The following HLCS variants were observed in gnomAD, a reference collection of about 807,000 sequenced individuals.
HLCS encodes biotin--protein ligase.
HLCS carries 53 observed loss-of-function variants against 75.0 expected under a neutral mutation model. That is an observed-to-expected ratio of 0.71 (90% confidence interval 0.57 to 0.89). The LOEUF (loss-of-function observed/expected upper bound fraction) is 0.89. Among genes scored for constraint, HLCS ranks in the 40% least tolerant of loss-of-function variants. HLCS has a pLI of 0.00. For missense variants in HLCS, 966 were observed against 1,074.0 expected (o/e 0.90, Z 1.41); for synonymous variants, 431 against 428.6 (o/e 1.01, Z -0.07).
At chr21:36,836,832 C>G (rs1187352125) in intron 6 of HLCS, among the ~76,000 whole-genome samples, 1 of 152,084 alleles carries the variant, frequency 6.6e-6, no homozygotes, top group Non-Finnish European at 1.5e-5. Context: ...ATCTAAGCTT[C>G]TTTCTCATGT....
Position 36,930,402 on chromosome 21 carries a change from A to G in HLCS, c.1469T>C (p.Ile490Thr), listed in dbSNP as rs766288041. The change falls in exon 5 of 11, where the codon ATA becomes ACA. Residue 490 changes from isoleucine (I) to threonine (T), a missense_variant. By Grantham distance (89) the Ile-to-Thr change is moderately conservative (BLOSUM62 -1). Transcript: ENST00000674895. ...VHLELPPSSN[I>T]VQTPEDFNLL... ...GTTAAAATCTTCTGGAGTTTGCACT[A>G]TGTTGGAGCTGGGAGGTAGTTCTAA... 1 of 1,614,156 alleles carries G rather than the reference A, an allele frequency of 6.2e-7. No homozygotes were observed. The highest frequency in any genetic ancestry group is 8.5e-7 in the Non-Finnish European group (1 of 1,179,998).
At chr21:36,838,781 G>C (rs2062513083) in intron 6 of HLCS, among the ~76,000 whole-genome samples, 2 of 152,080 alleles carry the variant, frequency 1.3e-5, no homozygotes, top group African/African-American at 2.4e-5. Flanking sequence ...CATGAAGACG[G>C]GGGTAGAGAT....
chr21:36,930,491 CA>C, intron 4 of HLCS, 58 bp from the exon 5 acceptor site: 1 of 1,358,802 alleles, frequency 7.4e-7, no homozygotes, highest in Non-Finnish European at 1.0e-6. Flanking sequence ...ATGAGAAAAA[CA>C]GTTTCTTTTT....
chr21:36,853,724 G>A (rs1010547530), intron 6 of HLCS, among the ~76,000 whole-genome samples: 3 of 152,120 alleles, frequency 2.0e-5, no homozygotes, highest in Non-Finnish European at 4.4e-5. Context: ...AATCAGGTGG[G>A]TTCCAGTTCT....
intron 5 of HLCS, among the ~76,000 whole-genome samples, chr21:36,901,152 C>G (rs1020677158): frequency 2.6e-5 from 4 of 151,966 alleles, no homozygotes; most frequent in African/African-American, 4.8e-5. Context: ...TCCCAGCTAC[C>G]TGGGAGGCTG....
At chr21:36,940,554 A>G (rs1383590630) in intron 2 of HLCS, among the ~76,000 whole-genome samples, 1 of 152,182 alleles carries the variant, frequency 6.6e-6, no homozygotes. Context: ...AATGCTAGAT[A>G]AAATAAATGA....
At chr21:36,756,248 C>T (rs759023905) in intron 10 of HLCS, among the ~76,000 whole-genome samples, 12 of 148,750 alleles carry the variant, frequency 8.1e-5, no homozygotes, top group Middle Eastern at 3.4e-3. Context: ...ACCATCCTGG[C>T]TAACACGGTG....
At chr21:36,786,916 A>G (rs1042364790) in intron 6 of HLCS, among the ~76,000 whole-genome samples, 1 of 152,228 alleles carries the variant, frequency 6.6e-6, no homozygotes, top group Non-Finnish European at 1.5e-5. Flanking sequence ...TAGGGACAAC[A>G]GAGGTGTCAG....
intron 6 of HLCS, among the ~76,000 whole-genome samples, chr21:36,815,146 G>C (rs1302528118): frequency 1.3e-5 from 2 of 151,688 alleles, no homozygotes; most frequent in African/African-American, 2.4e-5. Flanking sequence ...CCTGCTTCAG[G>C]CTCCTGAGTA....
At chr21:36,939,302 A>G (rs2067033740) in intron 2 of HLCS, among the ~76,000 whole-genome samples, 1 of 152,226 alleles carries the variant, frequency 6.6e-6, no homozygotes, top group African/African-American at 2.4e-5. Flanking sequence ...GAAAAACACC[A>G]TGCTGCCCTT....
At chr21:36,813,346 C>A (rs2061566755) in intron 6 of HLCS, among the ~76,000 whole-genome samples, 1 of 152,158 alleles carries the variant, frequency 6.6e-6, no homozygotes, top group Non-Finnish European at 1.5e-5. Flanking sequence ...ACTCCACAGA[C>A]ATTCTTATTT....
At chr21:36,966,354 ACTCCCGGG>A (rs2068578344) in intron 1 of HLCS, 82 bp downstream of exon 1, 2 of 633,818 alleles carry the variant, frequency 3.2e-6, no homozygotes, top group Non-Finnish European at 3.9e-6. Flanking sequence ...GGGCTCCCGA[ACTCCCGGG>A]CTCCCGGCGG....
intron 6 of HLCS, among the ~76,000 whole-genome samples, chr21:36,846,416 C>T (rs1175104990): frequency 6.6e-6 from 1 of 152,074 alleles, no homozygotes; most frequent in African/African-American, 2.4e-5. Flanking sequence ...AAGACATTTC[C>T]AAGGGGCCTA....
chr21:36,836,676 A>C (rs1025289428), intron 6 of HLCS, among the ~76,000 whole-genome samples: 4 of 151,874 alleles, frequency 2.6e-5, no homozygotes, highest in Admixed American at 2.6e-4. Flanking sequence ...AGAAAAAAAC[A>C]AACAACCCCA....
In HLCS at chr21:36,936,612, C is replaced by T. The variant is rs2066893291; in HGVS notation, c.1274G>A (p.Ser425Asn). The T allele has an allele frequency of 1.9e-6, 3 of 1,614,120 alleles. No homozygotes were observed. The highest frequency in any genetic ancestry group is 1.7e-5 in the Admixed American group (1 of 60,014). Residue 425 changes from serine to asparagine, a missense_variant, in exon 4 of 11, where the codon AGC becomes AAC. Physicochemically the swap from Ser to Asn is conservative, Grantham distance 46. Coordinates refer to ENST00000674895, the MANE Select transcript of HLCS (RefSeq NM_001352514.2). ...GCTCAAGACGCTGAGCTTCACCTCG[C>T]TCTGGTCAGCCTTGGAGAAAACCAA... ...QNLVFSKADQ[S>N]EVKLSVLSSG...
At chr21:36,798,829 T>C (rs999109123) in intron 6 of HLCS, among the ~76,000 whole-genome samples, 6 of 152,338 alleles carry the variant, frequency 3.9e-5, no homozygotes, top group Admixed American at 2.6e-4. Flanking sequence ...AATTTATAAA[T>C]TTTCTTTGCT....
chr21:36,759,947 C>T lies in HLCS; in HGVS notation c.2122-106G>A, dbSNP rs1012321402. ...GCAGAAACCAAGGTAACATGGGCCT[C>T]GTCCTCTCCTCTTTTTCAGGCAGCT... On this transcript the variant is annotated intron_variant, in intron 8 of 10. Transcript: ENST00000674895. 22 of 773,722 alleles carry T rather than the reference C, an allele frequency of 2.8e-5. No individual in the cohort carries two copies. The Middle Eastern group carries it at 6.7e-4, about 24-fold the overall frequency. 47.9% of individuals were successfully genotyped at this position (773,722 alleles called of 1,614,324 possible). A position where few individuals can be genotyped will look rare whatever the true frequency, so the allele number is the denominator to read the frequency against.
intron 4 of HLCS, 83 bp from the exon 5 acceptor site, chr21:36,930,516 T>C (rs1011226573): frequency 2.0e-5 from 24 of 1,218,396 alleles, no homozygotes; most frequent in Middle Eastern, 2.1e-4. Flanking sequence ...TTTTCTTTTT[T>C]TTTTTAAATT....
At chr21:36,844,977 T>C (rs1055696510) in intron 6 of HLCS, among the ~76,000 whole-genome samples, 3 of 152,150 alleles carry the variant, frequency 2.0e-5, no homozygotes, top group Non-Finnish European at 4.4e-5. Context: ...AGAAGGTCAA[T>C]TGGGCCAATT....
Sources: allele counts gnomAD v4.1 joint callset (sites outside exome capture counted in the v4.1 genomes callset), GRCh38; gene constraint gnomAD v4.1.1; transcripts MANE v1.5; gene names NCBI Gene and HGNC (gene_info 2026-07-23, HGNC 2026-07-21).